The following PCDH15 variants were observed in gnomAD, a reference collection of about 807,000 sequenced individuals.
PCDH15 encodes protocadherin-15.
PCDH15 carries 129 observed loss-of-function variants against 178.5 expected under a neutral mutation model. The observed-to-expected ratio is 0.72, with a 90% confidence interval of 0.63 to 0.84. The LOEUF is 0.84. PCDH15 is among the 40% of genes least tolerant of loss of function. The pLI, the probability that PCDH15 is intolerant of heterozygous loss-of-function variation, is 0.00. For missense variants in PCDH15, 2,230 were observed against 2,099.9 expected (o/e 1.06, Z -1.21); for synonymous variants, 800 against 732.0 (o/e 1.09, Z -1.50).
chr10:55,606,672 G>T (rs1489877197), intron 2 of PCDH15, among the ~76,000 whole-genome samples: 2 of 147,692 alleles, frequency 1.4e-5, no homozygotes, highest in South Asian at 2.2e-4. Context: ...AATAAATGGT[G>T]CTGGGAAAAC....
chr10:54,700,071 C>T (rs1052587017), intron 1 of PCDH15, among the ~76,000 whole-genome samples: 2 of 152,070 alleles, frequency 1.3e-5, no homozygotes, highest in South Asian at 2.1e-4. Flanking sequence ...ATTAGCCCCC[C>T]AGAGTTACTG....
At chr10:54,532,109 T>C (rs2083989887) in intron 2 of PCDH15, among the ~76,000 whole-genome samples, 1 of 152,190 alleles carries the variant, frequency 6.6e-6, no homozygotes, top group South Asian at 2.1e-4. Flanking sequence ...AAATAGGTTT[T>C]CCTAACTGCT....
chr10:55,205,254 G>C (rs1031063158), intron 1 of PCDH15, among the ~76,000 whole-genome samples: 1 of 151,818 alleles, frequency 6.6e-6, no homozygotes, highest in Non-Finnish European at 1.5e-5. Context: ...AATTATTACA[G>C]ATATCTATGA....
upstream of PCDH15, among the ~76,000 whole-genome samples, chr10:55,320,272 G>A (rs1843854110): frequency 6.6e-6 from 1 of 151,976 alleles, no homozygotes. Context: ...GGCCATTGCT[G>A]GCACACACAC....
chr10:55,523,773 A>G (rs1312291308), intron 2 of PCDH15, among the ~76,000 whole-genome samples: 4 of 151,640 alleles, frequency 2.6e-5, no homozygotes, highest in African/African-American at 7.3e-5. Context: ...AAGTTGATTA[A>G]CATTGCTTAA....
At chr10:54,966,657 G>T (rs888977004) in intron 2 of PCDH15, among the ~76,000 whole-genome samples, 1 of 152,028 alleles carries the variant, frequency 6.6e-6, no homozygotes, top group African/African-American at 2.4e-5. Flanking sequence ...AATCATGGGG[G>T]CAGTTTCTCC....
At chr10:54,437,508 CA>C (rs146203349) in intron 3 of PCDH15, among the ~76,000 whole-genome samples, 3,555 of 152,206 alleles carry the variant, frequency 0.023, 151 homozygotes, top group African/African-American at 0.081. Context: ...ATCCTCTTTT[CA>C]AATTTTAACC....
At chr10:54,769,254 G>A (rs1752017308) in intron 1 of PCDH15, among the ~76,000 whole-genome samples, 1 of 151,234 alleles carries the variant, frequency 6.6e-6, no homozygotes, top group African/African-American at 2.4e-5. Flanking sequence ...TGGTGTCACT[G>A]CTCACTCCAG....
intron 1 of PCDH15, among the ~76,000 whole-genome samples, chr10:54,683,149 T>A (rs952748392): frequency 1.3e-5 from 2 of 152,102 alleles, no homozygotes; most frequent in Admixed American, 1.3e-4. Flanking sequence ...TATTTTTAAT[T>A]TTTTTCATTT....
In PCDH15 at chr10:53,828,774, A is replaced by C. The variant is rs549247037; in HGVS notation, c.4203-201T>G. ...GTATCGTTACCGTTAGAGTCATTCAAGCCATTAAAATATCCATAACAGAAA... is the reference window on the plus strand; with the variant it reads ...GTATCGTTACCGTTAGAGTCATTCACGCCATTAAAATATCCATAACAGAAA... On this transcript the variant is annotated intron_variant, in intron 30 of 37. Coordinates refer to ENST00000644397, the MANE Select transcript of PCDH15 (RefSeq NM_001384140.1). Among the ~76,000 whole-genome samples, 25 of 152,356 alleles carry C rather than the reference A, an allele frequency of 1.6e-4. No homozygotes were observed. In the South Asian group the frequency reaches 5.0e-3, roughly 30 times the overall value.
At chr10:55,546,169 T>C (rs1841877893) in intron 2 of PCDH15, among the ~76,000 whole-genome samples, 1 of 152,240 alleles carries the variant, frequency 6.6e-6, no homozygotes, top group South Asian at 2.1e-4. Context: ...CAACACTGGT[T>C]TTGATATGGA....
chr10:53,853,506 T>C (rs1178533884), intron 28 of PCDH15, among the ~76,000 whole-genome samples: 3 of 152,074 alleles, frequency 2.0e-5, no homozygotes, highest in African/African-American at 4.8e-5. Flanking sequence ...GAGAAAATAT[T>C]TGCAAATCTT....
At chr10:53,947,641 G>A (rs1201024703) in intron 23 of PCDH15, among the ~76,000 whole-genome samples, 1 of 151,964 alleles carries the variant, frequency 6.6e-6, no homozygotes, top group Non-Finnish European at 1.5e-5. Context: ...ATTTAAATAA[G>A]AAAAACAGTT....
intron 8 of PCDH15, among the ~76,000 whole-genome samples, chr10:54,277,105 C>A (rs954899623): frequency 1.3e-5 from 2 of 151,386 alleles, no homozygotes; most frequent in African/African-American, 4.8e-5. Flanking sequence ...TTCCTGAGTC[C>A]CTCAGTGAGC....
intron 1 of PCDH15, among the ~76,000 whole-genome samples, chr10:55,201,276 T>C (rs1166300093): frequency 2.6e-5 from 4 of 152,078 alleles, no homozygotes; most frequent in Non-Finnish European, 5.9e-5. Context: ...ACGCAGAGCC[T>C]GAAGATGAAT....
intron 2 of PCDH15, among the ~76,000 whole-genome samples, chr10:55,509,312 T>C (rs1266165527): frequency 3.3e-5 from 5 of 151,724 alleles, no homozygotes; most frequent in Admixed American, 2.6e-4. Flanking sequence ...TTACAGCACA[T>C]AGTTCGCTGT....
chr10:54,639,061 T>C (rs1292090032), intron 2 of PCDH15, among the ~76,000 whole-genome samples: 1 of 152,174 alleles, frequency 6.6e-6, no homozygotes. Flanking sequence ...CCTTTAATTT[T>C]ATCTCCTGTA....
At chr10:54,742,899 G>A (rs576333767) in intron 1 of PCDH15, among the ~76,000 whole-genome samples, 7 of 152,144 alleles carry the variant, frequency 4.6e-5, no homozygotes, top group African/African-American at 1.7e-4. Flanking sequence ...ATTGCATACT[G>A]AGTTTCAAAT....
intron 3 of PCDH15, among the ~76,000 whole-genome samples, chr10:54,893,217 T>A (rs1471159573): frequency 1.3e-5 from 2 of 151,998 alleles, no homozygotes; most frequent in African/African-American, 2.4e-5. Flanking sequence ...AGGAAATTTT[T>A]AAAAAATTCT....
Sources: allele counts gnomAD v4.1 joint callset (sites outside exome capture counted in the v4.1 genomes callset), GRCh38; gene constraint gnomAD v4.1.1; transcripts MANE v1.5; gene names NCBI Gene and HGNC (gene_info 2026-07-23, HGNC 2026-07-21).